ADK: variants seen among roughly 807,000 people sequenced by gnomAD.
ADK encodes N6,N6-dimethyladenosine kinase.
Under a neutral mutation model 44.7 loss-of-function variants are expected in ADK, and 24 were observed. The observed-to-expected ratio is 0.54, with a 90% CI of 0.39 to 0.76. The LOEUF (loss-of-function observed/expected upper bound fraction) is 0.76. Ranked by LOEUF, ADK falls within the 30% of genes least tolerant of loss-of-function variation. The pLI is 0.00. For synonymous variants in ADK, 128 were observed against 142.6 expected (o/e 0.90, Z 0.73); for missense variants, 321 against 425.1 (o/e 0.76, Z 2.15).
chr10:74,195,707 CTT>C (rs71475265), intron 1 of ADK, among the ~76,000 whole-genome samples: 5,882 of 97,164 alleles, frequency 0.061, 257 homozygotes, highest in African/African-American at 0.23. Flanking sequence ...TCTTTTCTTT[CTT>C]TTTTTTTTTT....
chr10:74,217,041 G>A (rs573810006), intron 2 of ADK, among the ~76,000 whole-genome samples: 15 of 152,332 alleles, frequency 9.8e-5, no homozygotes, highest in Non-Finnish European at 1.6e-4. Flanking sequence ...GCAGCGCACC[G>A]TGCATGAGCC....
chr10:74,298,772 AAAAC>A (rs71024503), intron 3 of ADK, among the ~76,000 whole-genome samples: 97,048 of 151,014 alleles, frequency 0.64, 32,486 homozygotes, highest in Middle Eastern at 0.79. Flanking sequence ...AACAAAAACA[AAAAC>A]AAACCAGAAT....
chr10:74,238,800 T>G (rs1216820129), intron 3 of ADK, among the ~76,000 whole-genome samples: 1 of 145,808 alleles, frequency 6.9e-6, no homozygotes. Flanking sequence ...CCAAAGAAGA[T>G]AGAAAAATAC....
chr10:74,254,608 T>TAA (rs896021406), intron 3 of ADK, among the ~76,000 whole-genome samples: 1 of 148,258 alleles, frequency 6.7e-6, no homozygotes, highest in African/African-American at 2.5e-5. Flanking sequence ...AGTTGACAGT[T>TAA]AAAAAAAAAA....
chr10:74,286,186 A>G (rs1847154703), intron 3 of ADK, among the ~76,000 whole-genome samples: 4 of 152,096 alleles, frequency 2.6e-5, no homozygotes. Context: ...CCAAGCAGCT[A>G]GGACTACAAG....
At chr10:74,366,702 G>T (rs925305795) in intron 4 of ADK, among the ~76,000 whole-genome samples, 2 of 152,178 alleles carry the variant, frequency 1.3e-5, no homozygotes, top group Non-Finnish European at 2.9e-5. Flanking sequence ...GGCTGAGGCA[G>T]GTGGATCACT....
intron 9 of ADK, among the ~76,000 whole-genome samples, chr10:74,607,807 A>AATGGTTTT (rs1437924477): frequency 1.4e-4 from 21 of 152,118 alleles, no homozygotes; most frequent in South Asian, 4.2e-4. Context: ...GCTTTCTTGG[A>AATGGTTTT]TAATATTCTG....
intron 1 of ADK, among the ~76,000 whole-genome samples, chr10:74,173,458 C>T (rs1192485310): frequency 2.5e-4 from 36 of 143,548 alleles, no homozygotes; most frequent in African/African-American, 9.2e-4. Flanking sequence ...GAGATGGAGT[C>T]TTGCTCTTGT....
chr10:74,480,328 A>C (rs1480114516), intron 6 of ADK, among the ~76,000 whole-genome samples: 1 of 151,728 alleles, frequency 6.6e-6, no homozygotes, highest in East Asian at 1.9e-4. Flanking sequence ...TCCTCAGCTC[A>C]AACAATCATC....
intron 6 of ADK, among the ~76,000 whole-genome samples, chr10:74,465,469 T>A (rs1249497044): frequency 6.6e-6 from 1 of 152,178 alleles, no homozygotes; most frequent in Non-Finnish European, 1.5e-5. Flanking sequence ...GAGGGTTTTG[T>A]GCAGACGAGA....
intron 3 of ADK, among the ~76,000 whole-genome samples, chr10:74,293,222 G>T (rs1440100683): frequency 1.4e-5 from 2 of 146,066 alleles, no homozygotes; most frequent in Non-Finnish European, 3.0e-5. Context: ...TGAAATGGTT[G>T]TATTTAGAAA....
chr10:74,427,400 G>A (rs550195600), intron 6 of ADK, among the ~76,000 whole-genome samples: 7 of 152,082 alleles, frequency 4.6e-5, no homozygotes, highest in East Asian at 3.9e-4. Context: ...GGGTTTCACC[G>A]TGTTAGCCAG....
chr10:74,374,014 G>T (rs1842748455), intron 4 of ADK, among the ~76,000 whole-genome samples: 1 of 152,136 alleles, frequency 6.6e-6, no homozygotes, highest in East Asian at 1.9e-4. Flanking sequence ...CGTGCTAAAT[G>T]AAGGAAGCCA....
intron 6 of ADK, among the ~76,000 whole-genome samples, chr10:74,516,242 C>T (rs745306322): frequency 9.9e-5 from 15 of 152,066 alleles, no homozygotes; most frequent in Non-Finnish European, 2.2e-4. Context: ...TTTTTCCCTG[C>T]AATAGCAATT....
At chr10:74,232,950 A>G (rs1463155067) in intron 3 of ADK, among the ~76,000 whole-genome samples, 2 of 152,190 alleles carry the variant, frequency 1.3e-5, no homozygotes, top group African/African-American at 2.4e-5. Context: ...GTGATTAAAC[A>G]TGGTCTTATA....
chr10:74,707,903 C>G (rs1002808983), intron 10 of ADK, among the ~76,000 whole-genome samples: 1 of 151,606 alleles, frequency 6.6e-6, no homozygotes, highest in African/African-American at 2.4e-5. Context: ...TGGCTCAACA[C>G]CTGTAATCCC....
At chr10:74,378,766 G>T (rs879383213) in intron 4 of ADK, among the ~76,000 whole-genome samples, 2 of 152,048 alleles carry the variant, frequency 1.3e-5, no homozygotes, top group African/African-American at 2.4e-5. Flanking sequence ...CAGTGGAGGG[G>T]TTGGCATTTG....
chr10:74,328,768 T>C (rs1841108065), intron 4 of ADK, among the ~76,000 whole-genome samples: 1 of 152,194 alleles, frequency 6.6e-6, no homozygotes, highest in Non-Finnish European at 1.5e-5. Context: ...TCCCCAGTCA[T>C]ACAGAACTGT....
chr10:74,306,589 T>G (rs935798962), intron 3 of ADK, among the ~76,000 whole-genome samples: 2 of 152,252 alleles, frequency 1.3e-5, no homozygotes, highest in African/African-American at 2.4e-5. Flanking sequence ...ATATGCAAAT[T>G]GTAGATTATT....
Sources: gnomAD v4.1 joint callset for allele counts (sites outside exome capture counted in the v4.1 genomes callset) on GRCh38, gnomAD v4.1.1 for gene constraint, MANE v1.5 for transcripts, NCBI Gene and HGNC (gene_info 2026-07-23, HGNC 2026-07-21) for gene names.